The following ARL13B variants were observed in gnomAD, a reference collection of about 807,000 sequenced individuals.
ARL13B encodes ARF like GTPase 13B.
In ARL13B, 36 loss-of-function variants were observed where a neutral mutation model predicts 56.1. That is an observed-to-expected ratio of 0.64 (90% CI 0.49 to 0.85). The LOEUF (loss-of-function observed/expected upper bound fraction) is 0.85. Ranked by LOEUF, ARL13B falls within the 40% of genes least tolerant of loss-of-function variation. The probability of loss-of-function intolerance (pLI) is 0.00; values close to 1 mark genes in which losing one functional copy is unlikely to be tolerated. For missense variants in ARL13B, 519 were observed against 507.1 expected, an observed-to-expected ratio of 1.02 and a Z score of -0.23; for synonymous variants, 178 against 171.1, an observed-to-expected ratio of 1.04 and a Z score of -0.32.
chr3:93,985,890 C>T (rs1020629908), intron 1 of ARL13B, among the ~76,000 whole-genome samples: 1 of 152,114 alleles, frequency 6.6e-6, no homozygotes, highest in African/African-American at 2.4e-5. Flanking sequence ...AAATAAGATA[C>T]AGTACACAAT....
intron 7 of ARL13B, chr3:94,047,878 T>C (rs2077006805): frequency 6.6e-6 from 1 of 152,224 alleles, no homozygotes; most frequent in South Asian, 2.1e-4. Context: ...ACAACACTAA[T>C]TTATTTAGAA....
At position 94,040,003 on chromosome 3, in the gene ARL13B, A is replaced by C. The variant is rs375954283; in HGVS notation, c.798+15A>C. On this transcript the variant is annotated intron_variant, in intron 6 of 9. Coordinates refer to ENST00000394222, the MANE Select transcript of ARL13B (RefSeq NM_001174150.2). ...TAATCATTGAGGTATGAATGATGGC[A>C]AATGTAATTTTTGTATCTTAAGTTA... The C allele has an allele frequency of 2.5e-6, 4 of 1,608,158 alleles. No individual in the cohort carries two copies. The Admixed American group carries it at 6.7e-5, about 27-fold the overall frequency.
Position 94,043,036 on chromosome 3 carries a change from G to C in ARL13B, c.820G>C (p.Glu274Gln). 6.2e-7 allele frequency: 1 copy of C among 1,609,320 alleles called. No homozygotes were observed. Among genetic ancestry groups the C allele is most frequent in the Non-Finnish European group, 8.5e-7 (1 of 1,178,548 alleles). Residue 274 changes from glutamate (E) to glutamine (Q), a missense_variant, in exon 7 of 10, where the codon GAG becomes CAG. Coordinates refer to ENST00000394222, the MANE Select transcript of ARL13B (RefSeq NM_001174150.2). ...TTAGAATGAAGGAAAACTTGAAAGA[G>C]AGAAAAAAAACCAAAAAATGGAGAA... ...IIENEGKLER[E>Q]KKNQKMEKDS... is the part of the protein sequence containing the mutation.
intron 3 of ARL13B, among the ~76,000 whole-genome samples, chr3:94,030,116 G>GA (rs1272123131): frequency 6.6e-6 from 1 of 152,114 alleles, no homozygotes; most frequent in Non-Finnish European, 1.5e-5. Flanking sequence ...AAACACGAAT[G>GA]AAAATGGTTA....
intron 3 of ARL13B, among the ~76,000 whole-genome samples, chr3:94,028,199 A>T (rs1167633052): frequency 6.6e-6 from 1 of 152,156 alleles, no homozygotes; most frequent in Non-Finnish European, 1.5e-5. Context: ...CCCAGTCAGC[A>T]TGTCAGTAAT....
intron 4 of ARL13B, 100 bp downstream of exon 4, chr3:94,035,536 G>T: frequency 1.3e-6 from 1 of 782,244 alleles, no homozygotes; most frequent in Non-Finnish European, 2.1e-6. Context: ...AAAAGGCAAT[G>T]TTTTCAAAGA....
chr3:94,050,988 A>G (rs1244885720), intron 9 of ARL13B, 96 bp downstream of exon 9: 1 of 1,194,030 alleles, frequency 8.4e-7, no homozygotes, highest in African/African-American at 1.5e-5. Context: ...TTTTAGTTTT[A>G]GAAGCTTGTC....
chr3:94,002,381 T>C (rs1465964267), intron 2 of ARL13B, among the ~76,000 whole-genome samples: 1 of 152,150 alleles, frequency 6.6e-6, no homozygotes, highest in African/African-American at 2.4e-5. Context: ...CATATGGCTT[T>C]TGAACACTTG....
intron 9 of ARL13B, 129 bp downstream of exon 9, chr3:94,051,021 A>G (rs1000943969): frequency 1.3e-6 from 1 of 746,936 alleles, no homozygotes; most frequent in African/African-American, 1.8e-5. Context: ...ATCCTTTTTC[A>G]TTATACGTCT....
At chr3:94,041,148 G>A (rs940983468) in intron 6 of ARL13B, among the ~76,000 whole-genome samples, 1 of 150,802 alleles carries the variant, frequency 6.6e-6, no homozygotes, top group African/African-American at 2.4e-5. Flanking sequence ...ATGTTTCTTG[G>A]TACAGAAGCA....
At chr3:94,042,294 A>T (rs967441353) in intron 6 of ARL13B, among the ~76,000 whole-genome samples, 1 of 152,104 alleles carries the variant, frequency 6.6e-6, no homozygotes, top group Non-Finnish European at 1.5e-5. Flanking sequence ...TTGTGACTAT[A>T]TGTGACATTT....
intron 3 of ARL13B, among the ~76,000 whole-genome samples, chr3:94,015,669 T>C (rs1232149019): frequency 6.6e-6 from 1 of 152,180 alleles, no homozygotes; most frequent in Non-Finnish European, 1.5e-5. Flanking sequence ...AAAGATACTG[T>C]TTCCGGTTAA....
intron 6 of ARL13B, among the ~76,000 whole-genome samples, chr3:94,041,080 GTT>G (rs60890269): frequency 6.9e-6 from 1 of 145,252 alleles, no homozygotes. Context: ...ATTAGCTATA[GTT>G]TTTTTTTTTT....
chr3:94,046,058 C>A (rs1007237449), intron 7 of ARL13B, among the ~76,000 whole-genome samples: 4 of 150,266 alleles, frequency 2.7e-5, no homozygotes, highest in Non-Finnish European at 4.4e-5. Flanking sequence ...CAATAAAACA[C>A]AATAGAGATT....
intron 3 of ARL13B, among the ~76,000 whole-genome samples, chr3:94,031,695 C>T (rs1425854718): frequency 2.0e-5 from 3 of 152,154 alleles, no homozygotes; most frequent in Admixed American, 6.5e-5. Flanking sequence ...ATAGCCAAAG[C>T]AGTCCTAAGC....
Position 94,017,675 on chromosome 3 carries a change from C to T in ARL13B, c.380+13767C>T, listed in dbSNP as rs773220877. 1.1e-4 allele frequency among the ~76,000 whole-genome samples: 16 copies of T among 152,120 alleles called. 1 individual carries two copies. Among genetic ancestry groups the T allele is most frequent in the East Asian group, 1.9e-4 (1 of 5,190 alleles). On this transcript the variant is annotated intron_variant, in intron 3 of 9. Coordinates refer to ENST00000394222, the MANE Select transcript of ARL13B (RefSeq NM_001174150.2). ...GACAATATACAATTTAAAAGATAAA[C>T]GGGATAATTTTAGGTTTTGATACAA...
chr3:93,980,726 A>AGTGTGTGT lies in ARL13B; in HGVS notation c.59+272_59+279dup, dbSNP rs35756044. 4.4e-4 allele frequency among the ~76,000 whole-genome samples: 65 copies of AGTGTGTGT among 147,066 alleles called. No individual in the cohort carries two copies. In the Middle Eastern group the frequency reaches 0.011, roughly 24 times the overall value. ...TTAAATAGGTTTGAATTTGTTAAAA[A>AGTGTGTGT]GTGTGTGTGTGTGTGTGTGTGTGTG... On this transcript the variant is annotated intron_variant, in intron 1 of 9. Transcript: ENST00000394222.
chr3:94,015,074 C>T (rs914060845), intron 3 of ARL13B: 1 of 1,613,832 alleles, frequency 6.2e-7, no homozygotes, highest in Admixed American at 1.7e-5. Context: ...TGAACATTAT[C>T]TGCCAAATTG....
At chr3:93,985,705 G>A (rs1423169924) in intron 1 of ARL13B, among the ~76,000 whole-genome samples, 1 of 152,006 alleles carries the variant, frequency 6.6e-6, no homozygotes, top group African/African-American at 2.4e-5. Flanking sequence ...TAATAAGTAG[G>A]TAACAAATCC....
Sources: allele counts gnomAD v4.1 joint callset (sites outside exome capture counted in the v4.1 genomes callset), GRCh38; gene constraint gnomAD v4.1.1; transcripts MANE v1.5; gene names NCBI Gene and HGNC (gene_info 2026-07-23, HGNC 2026-07-21).